The following ERO1A variants were observed in gnomAD, a reference collection of about 807,000 sequenced individuals.
The protein encoded by ERO1A is ERO1-like protein alpha.
In ERO1A, 49 loss-of-function variants were observed where a neutral mutation model predicts 76.9. That is an observed-to-expected ratio of 0.64 (90% CI 0.51 to 0.81). The LOEUF (loss-of-function observed/expected upper bound fraction) is 0.81. ERO1A is among the 30% of genes least tolerant of loss of function. The probability of loss-of-function intolerance (pLI) is 0.00; values close to 1 mark genes in which losing one functional copy is unlikely to be tolerated. For synonymous variants in ERO1A, 174 were observed against 181.2 expected (o/e 0.96, Z 0.32); for missense variants, 448 against 542.1 (o/e 0.83, Z 1.72).
intron 1 of ERO1A, among the ~76,000 whole-genome samples, chr14:52,684,655 C>G (rs1281469515): frequency 6.6e-6 from 1 of 152,088 alleles, no homozygotes; most frequent in African/African-American, 2.4e-5. Flanking sequence ...AATGAAACAG[C>G]AAACTGACCT....
At chr14:52,671,535 C>T in intron 6 of ERO1A, 95 bp downstream of exon 6, 4 of 795,890 alleles carry the variant, frequency 5.0e-6, no homozygotes, top group African/African-American at 1.8e-5. Context: ...GCTGGGACTA[C>T]AGGCACACCA....
At chr14:52,655,756 T>C (rs1157859066) in intron 11 of ERO1A, among the ~76,000 whole-genome samples, 4 of 152,166 alleles carry the variant, frequency 2.6e-5, no homozygotes, top group Non-Finnish European at 2.9e-5. Flanking sequence ...CTGAAGATCA[T>C]GGCAACTTTT....
chr14:52,642,634 TTG>T lies in ERO1A; in HGVS notation c.*934_*935del, dbSNP rs148575371. 18 of 149,896 alleles carry T rather than the reference TTG, an allele frequency of 1.2e-4. No homozygotes were observed. Among genetic ancestry groups the T allele is most frequent in the South Asian group, 6.3e-4 (3 of 4,746 alleles). 9.3% of individuals were successfully genotyped at this position (149,896 alleles called of 1,614,324 possible). On this transcript the variant is annotated 3_prime_UTR_variant, in exon 16 of 16. Transcript: ENST00000395686. ...GACTTTCAAATGATTGAGGAAAAAT[TTG>T]TGTGTGTGTGTGTGTGTACAGAGAA...
In ERO1A at chr14:52,671,667, C is replaced by T; in HGVS notation, c.471G>A (p.Lys157=). The change falls in exon 6 of 16, where the codon AAG becomes AAA. Residue 157 remains lysine, a synonymous_variant. Coordinates refer to ENST00000395686, the MANE Select transcript of ERO1A (RefSeq NM_014584.3). Reference sequence around the variant, plus strand: ...AGAAGTTATCTGAAGAATCATCATGCTTGGTCCACTGAAGAACAGCCTTCT... The same window carrying T: ...AGAAGTTATCTGAAGAATCATCATGTTTGGTCCACTGAAGAACAGCCTTCT... ...ETQKAVLQWT[K]HDDSSDNFCE... 6.2e-7 allele frequency: 1 copy of T among 1,608,552 alleles called. No homozygotes were observed. The highest frequency in any genetic ancestry group is 8.5e-7 in the Non-Finnish European group (1 of 1,177,002).
intron 13 of ERO1A, among the ~76,000 whole-genome samples, chr14:52,649,642 A>C (rs1315063563): frequency 6.6e-6 from 1 of 152,146 alleles, no homozygotes; most frequent in African/African-American, 2.4e-5. Flanking sequence ...TAAAGCAGCA[A>C]GTAAACTAAA....
At chr14:52,688,526 C>A (rs1006758015) in intron 1 of ERO1A, among the ~76,000 whole-genome samples, 1 of 152,186 alleles carries the variant, frequency 6.6e-6, no homozygotes, top group African/African-American at 2.4e-5. Flanking sequence ...ACATGTTAAT[C>A]ATTATTATTA....
chr14:52,656,993 A>C (rs954160227), intron 11 of ERO1A, among the ~76,000 whole-genome samples: 15 of 152,278 alleles, frequency 9.9e-5, no homozygotes, highest in African/African-American at 3.1e-4. Flanking sequence ...GACTCAGGAC[A>C]CTGGACCAAA....
intron 1 of ERO1A, among the ~76,000 whole-genome samples, chr14:52,692,858 A>G (rs12892380): frequency 0.46 from 70,171 of 150,980 alleles, 17,423 homozygotes; most frequent in Middle Eastern, 0.6. Context: ...GTCTGTCTAT[A>G]TGCTTGCCTC....
At chr14:52,672,786 A>C (rs1364643672) in intron 4 of ERO1A, among the ~76,000 whole-genome samples, 6 of 150,866 alleles carry the variant, frequency 4.0e-5, no homozygotes, top group East Asian at 3.9e-4. Flanking sequence ...CAAAAAAAAA[A>C]AAAAAAACAA....
At chr14:52,666,292 T>C in intron 7 of ERO1A, 83 bp downstream of exon 7, 1 of 1,020,766 alleles carries the variant, frequency 9.8e-7, no homozygotes, top group Non-Finnish European at 1.4e-6. Flanking sequence ...ATTTGATTTT[T>C]AATTTTAAAT....
chr14:52,673,033 C>A (rs2040660803), intron 4 of ERO1A, among the ~76,000 whole-genome samples: 1 of 152,016 alleles, frequency 6.6e-6, no homozygotes, highest in Non-Finnish European at 1.5e-5. Flanking sequence ...TGTTTGATTT[C>A]TCTCTACTTT....
At chr14:52,688,760 A>C (rs1382717546) in intron 1 of ERO1A, among the ~76,000 whole-genome samples, 8 of 152,200 alleles carry the variant, frequency 5.3e-5, no homozygotes. Flanking sequence ...GTTTGATTTG[A>C]CCAAATGCAA....
At position 52,640,298 on chromosome 14, in the gene ERO1A, C is replaced by G. The variant is rs2039430034; in HGVS notation, c.*3272G>C. The G allele has an allele frequency of 6.6e-6, 1 of 152,182 alleles. No homozygotes were observed. The highest frequency in any genetic ancestry group is 2.1e-4 in the South Asian group (1 of 4,830). 9.4% of individuals were successfully genotyped at this position (152,182 alleles called of 1,614,324 possible). On this transcript the variant is annotated 3_prime_UTR_variant, in exon 16 of 16. Transcript: ENST00000395686. ...CTTGAGTGGAGCAAAGGAGGTTTCA[C>G]AGAGGAAATGCTTATGTCAGGCCTG...
chr14:52,645,410 C>A (rs2039615702), intron 15 of ERO1A, among the ~76,000 whole-genome samples: 1 of 148,118 alleles, frequency 6.8e-6, no homozygotes, highest in Non-Finnish European at 1.5e-5. Flanking sequence ...TCAAGCGATT[C>A]TTCTGCCTCA....
At chr14:52,673,572 G>A (rs2040681652) in intron 4 of ERO1A, among the ~76,000 whole-genome samples, 2 of 152,174 alleles carry the variant, frequency 1.3e-5, no homozygotes, top group Non-Finnish European at 2.9e-5. Context: ...TTACAAATTA[G>A]TTCTTCGAAG....
At chr14:52,655,314 A>G (rs2040007656) in intron 11 of ERO1A, among the ~76,000 whole-genome samples, 1 of 152,216 alleles carries the variant, frequency 6.6e-6, no homozygotes, top group South Asian at 2.1e-4. Flanking sequence ...GTAGTGAGCC[A>G]AGATTGCACC....
intron 13 of ERO1A, among the ~76,000 whole-genome samples, chr14:52,648,673 G>A (rs2039753099): frequency 6.6e-6 from 1 of 152,164 alleles, no homozygotes. Context: ...CTGAGTATAA[G>A]AGACTCCCAT....
intron 1 of ERO1A, among the ~76,000 whole-genome samples, chr14:52,691,897 G>A (rs1253285735): frequency 1.3e-5 from 2 of 152,170 alleles, no homozygotes; most frequent in Non-Finnish European, 2.9e-5. Flanking sequence ...ACAAGTCTAA[G>A]GCAATTAATC....
In ERO1A at chr14:52,643,457, C is replaced by T; in HGVS notation, c.*113G>A. ...ACAATATAATTCTCCTTTACAAAAGCAACTTTATATAAAATGTTTGGCTTA... is the reference window on the plus strand; with the variant it reads ...ACAATATAATTCTCCTTTACAAAAGTAACTTTATATAAAATGTTTGGCTTA... On this transcript the variant is annotated 3_prime_UTR_variant, in exon 16 of 16. Transcript: ENST00000395686. 3.1e-6 allele frequency: 2 copies of T among 655,458 alleles called. No individual in the cohort carries two copies. 40.6% of individuals were successfully genotyped at this position (655,458 alleles called of 1,614,324 possible). A position where few individuals can be genotyped will look rare whatever the true frequency, so the allele number is the denominator to read the frequency against.
Sources: allele counts gnomAD v4.1 joint callset (sites outside exome capture counted in the v4.1 genomes callset), GRCh38; gene constraint gnomAD v4.1.1; transcripts MANE v1.5; gene names NCBI Gene and HGNC (gene_info 2026-07-23, HGNC 2026-07-21).